LPA: variants seen among roughly 807,000 people sequenced by gnomAD.
LPA encodes lipoprotein(a), also known as apolipoprotein(a).
In LPA, 199 loss-of-function variants were observed where a neutral mutation model predicts 197.9. The observed-to-expected ratio is 1.01, with a 90% CI of 0.90 to 1.13. LPA has a LOEUF of 1.13. LPA is among the 50% of genes most tolerant of loss of function. LPA has a pLI of 0.00. For synonymous variants in LPA, 715 were observed against 639.5 expected, an observed-to-expected ratio of 1.12 and a Z score of -1.78; for missense variants, 1,853 against 1,785.8, an observed-to-expected ratio of 1.04 and a Z score of -0.68.
intron 2 of LPA, among the ~76,000 whole-genome samples, chr6:160,648,409 A>T (rs1335949168): frequency 6.6e-6 from 1 of 151,906 alleles, no homozygotes; most frequent in African/African-American, 2.4e-5. Flanking sequence ...TATTTGGAAA[A>T]TTTTCAGCCA....
chr6:160,602,702 T>G (rs1444574580), intron 18 of LPA, among the ~76,000 whole-genome samples: 1 of 152,250 alleles, frequency 6.6e-6, no homozygotes, highest in Non-Finnish European at 1.5e-5. Flanking sequence ...TTTGGTTTAT[T>G]TATTTGGGGC....
At chr6:160,663,782 C>A (rs1458663287) in intron 1 of LPA, among the ~76,000 whole-genome samples, 1 of 152,172 alleles carries the variant, frequency 6.6e-6, no homozygotes, top group African/African-American at 2.4e-5. Flanking sequence ...TTTCAACTTG[C>A]TAGTGAGGGG....
At chr6:160,591,255 C>G (rs1779024347) in intron 22 of LPA, among the ~76,000 whole-genome samples, 154 bp from the exon 23 acceptor site, 1 of 152,210 alleles carries the variant, frequency 6.6e-6, no homozygotes. Context: ...TCCTCAACTT[C>G]TAAACAACTG....
chr6:160,590,281 C>T (rs1013305510), intron 23 of LPA, among the ~76,000 whole-genome samples: 1 of 152,104 alleles, frequency 6.6e-6, no homozygotes, highest in African/African-American at 2.4e-5. Flanking sequence ...GGCCCAGGAT[C>T]CTGCATTGCA....
intron 17 of LPA, among the ~76,000 whole-genome samples, chr6:160,606,009 G>T (rs1416336173): frequency 6.6e-6 from 1 of 152,130 alleles, no homozygotes; most frequent in Non-Finnish European, 1.5e-5. Context: ...TAGAACCAGG[G>T]TGATTTGGAA....
Position 160,581,586 on chromosome 6 carries a change from G to A in LPA, c.4290-2882C>T, listed in dbSNP as rs549563019. ...CAAAGTGTTAGGATTACAGCCAAGC[G>A]TCCCAGCCAATACCACATGTCTTGA... On this transcript the variant is annotated intron_variant, in intron 26 of 38. Transcript: ENST00000316300. 2.5e-3 allele frequency among the ~76,000 whole-genome samples: 375 copies of A among 152,278 alleles called. 4 individuals are homozygous for A. The highest frequency in any genetic ancestry group is 3.4e-3 in the Non-Finnish European group (229 of 68,012).
intron 28 of LPA, among the ~76,000 whole-genome samples, chr6:160,573,004 C>T (rs1778590287): frequency 6.6e-6 from 1 of 152,090 alleles, no homozygotes; most frequent in Non-Finnish European, 1.5e-5. Flanking sequence ...TAAGTTTTCC[C>T]CAGTTATTCC....
In LPA at chr6:160,658,691, C is replaced by T. The variant is rs1290013302; in HGVS notation, c.49+5475G>A. 2.0e-5 allele frequency among the ~76,000 whole-genome samples: 3 copies of T among 152,102 alleles called. No homozygotes were observed. The East Asian group carries it at 5.8e-4, about 29-fold the overall frequency. On this transcript the variant is annotated intron_variant, in intron 1 of 38. Coordinates refer to ENST00000316300, the MANE Select transcript of LPA (RefSeq NM_005577.4). The stretch of plus-strand genomic sequence containing the variant: ...ATTCAGGCCAAGTACTATCAGTGTT[C>T]TCCATACTATTAGAAGTAGAGTCCT...
At chr6:160,586,735 A>T (rs1463811347) in intron 24 of LPA, 105 bp from the exon 25 acceptor site, 10 of 1,499,456 alleles carry the variant, frequency 6.7e-6, no homozygotes, top group Non-Finnish European at 9.2e-6. Flanking sequence ...AGCAAATTTG[A>T]AATATTCTCA....
At chr6:160,553,790 T>A (rs1778203919) in intron 30 of LPA, among the ~76,000 whole-genome samples, 1 of 152,190 alleles carries the variant, frequency 6.6e-6, no homozygotes. Flanking sequence ...GCTTTGAGTA[T>A]TTTTTTCTGT....
chr6:160,532,633 G>A lies in LPA; in HGVS notation c.5859C>T (p.Gly1953=). Residue 1953 remains glycine, a synonymous_variant, in exon 38 of 39, where the codon GGC becomes GGT. Transcript: ENST00000316300. ...CAAGGAGCTGGGCTTCCTTGAGAAG[G>A]CCAGTCCCAAAGGTACCTGTGTTTA... ...WGETQGTFGT[G]LLKEAQLLVI... is the part of the protein sequence containing the mutation. 6.2e-7 allele frequency: 1 copy of A among 1,603,254 alleles called. No individual in the cohort carries two copies. The highest frequency in any genetic ancestry group is 2.2e-5 in the East Asian group (1 of 44,830).
At chr6:160,605,285 G>GA (rs1166762778) in intron 17 of LPA, 80 bp from the exon 18 acceptor site, 21 of 1,530,546 alleles carry the variant, frequency 1.4e-5, no homozygotes, top group East Asian at 9.0e-5. Flanking sequence ...GCACAAACCA[G>GA]AAAAAAGTCT....
At chr6:160,532,869 T>C (rs1236946489) in intron 37 of LPA, among the ~76,000 whole-genome samples, 1 of 152,248 alleles carries the variant, frequency 6.6e-6, no homozygotes, top group Non-Finnish European at 1.5e-5. Flanking sequence ...CTGGGCTTTG[T>C]CATGCTGCTT....
intron 36 of LPA, among the ~76,000 whole-genome samples, chr6:160,538,379 G>T (rs980951154): frequency 6.6e-6 from 1 of 152,148 alleles, no homozygotes; most frequent in Non-Finnish European, 1.5e-5. Flanking sequence ...TGCCTTGTGT[G>T]CCCAGAGCAA....
At chr6:160,579,739 C>T (rs1298133637) in intron 26 of LPA, among the ~76,000 whole-genome samples, 3 of 152,154 alleles carry the variant, frequency 2.0e-5, no homozygotes, top group Non-Finnish European at 2.9e-5. Context: ...GGGAATCCAA[C>T]ACGGTCTCTG....
intron 26 of LPA, among the ~76,000 whole-genome samples, chr6:160,581,075 T>C (rs1254031773): frequency 6.6e-6 from 1 of 152,160 alleles, no homozygotes; most frequent in African/African-American, 2.4e-5. Flanking sequence ...AAGAGCTATC[T>C]CAAATTAATT....
intron 33 of LPA, among the ~76,000 whole-genome samples, chr6:160,543,030 AT>A (rs1196523385): frequency 6.6e-6 from 1 of 152,260 alleles, no homozygotes; most frequent in Non-Finnish European, 1.5e-5. Flanking sequence ...TTTCTAAACC[AT>A]GTAAAGTTTA....
chr6:160,545,597 A>C, intron 32 of LPA, 64 bp from the exon 33 acceptor site: 1 of 913,608 alleles, frequency 1.1e-6, no homozygotes, highest in Non-Finnish European at 1.9e-6. Context: ...AGATATTCTA[A>C]GGCACACACA....
intron 26 of LPA, among the ~76,000 whole-genome samples, chr6:160,580,291 A>G (rs1459195044): frequency 1.3e-5 from 2 of 152,126 alleles, no homozygotes; most frequent in African/African-American, 4.8e-5. Context: ...GAAACCATTT[A>G]AATAGTTTTC....
Sources: gnomAD v4.1 joint callset for allele counts (sites outside exome capture counted in the v4.1 genomes callset) on GRCh38, gnomAD v4.1.1 for gene constraint, MANE v1.5 for transcripts, NCBI Gene and HGNC (gene_info 2026-07-23, HGNC 2026-07-21) for gene names.